The following CACNG2 variants were observed in gnomAD, a reference collection of about 807,000 sequenced individuals.
CACNG2 encodes the protein voltage-dependent calcium channel gamma-2 subunit.
Under a neutral mutation model 25.9 loss-of-function variants are expected in CACNG2, and 3 were observed. The ratio of observed to expected loss-of-function variants is 0.12; its 90% CI spans 0.05 to 0.30. The LOEUF (loss-of-function observed/expected upper bound fraction) is 0.30, where lower values mean the gene tolerates loss of function less well. Among genes scored for constraint, CACNG2 ranks in the 10% least tolerant of loss-of-function variants. The pLI is 1.00. For synonymous variants in CACNG2, 167 were observed against 173.3 expected (o/e 0.96, Z 0.29); for missense variants, 341 against 432.5 (o/e 0.79, Z 1.88).
chr22:36,605,368 C>A (rs1343962454), intron 1 of CACNG2, among the ~76,000 whole-genome samples: 4 of 152,200 alleles, frequency 2.6e-5, no homozygotes, highest in Non-Finnish European at 4.4e-5. Flanking sequence ...AGCCACCATG[C>A]CCGGCCCCAA....
chr22:36,678,841 G>A (rs1056925159), intron 1 of CACNG2, among the ~76,000 whole-genome samples: 1 of 152,148 alleles, frequency 6.6e-6, no homozygotes, highest in Non-Finnish European at 1.5e-5. Flanking sequence ...CATTCACAGG[G>A]ATTTGACCTA....
intron 2 of CACNG2, among the ~76,000 whole-genome samples, chr22:36,579,432 C>T (rs893021169): frequency 2.6e-5 from 3 of 115,728 alleles, no homozygotes; most frequent in African/African-American, 3.5e-5. Context: ...AAAAAAAAAG[C>T]TGCCGGCTGT....
intron 1 of CACNG2, among the ~76,000 whole-genome samples, chr22:36,622,869 G>A (rs377099400): frequency 1.1e-4 from 17 of 151,486 alleles, no homozygotes; most frequent in African/African-American, 4.1e-4. Context: ...TGAGGCACGA[G>A]AATCGCTTGA....
chr22:36,660,068 G>A (rs1936767976), intron 1 of CACNG2, among the ~76,000 whole-genome samples: 1 of 152,194 alleles, frequency 6.6e-6, no homozygotes, highest in Non-Finnish European at 1.5e-5. Flanking sequence ...ACAAGCCGGG[G>A]CCTCCCAGGT....
chr22:36,681,005 A>C (rs1937115039), intron 1 of CACNG2, among the ~76,000 whole-genome samples: 2 of 152,196 alleles, frequency 1.3e-5, no homozygotes, highest in African/African-American at 2.4e-5. Context: ...TCCATTAAAA[A>C]GAATGAGAAT....
At chr22:36,651,503 A>G (rs1408668956) in intron 1 of CACNG2, among the ~76,000 whole-genome samples, 1 of 152,138 alleles carries the variant, frequency 6.6e-6, no homozygotes, top group African/African-American at 2.4e-5. Context: ...TGCTGGGATT[A>G]CAGGCGTGAG....
chr22:36,658,797 G>A (rs971794053), intron 1 of CACNG2, among the ~76,000 whole-genome samples: 2 of 152,160 alleles, frequency 1.3e-5, no homozygotes, highest in Non-Finnish European at 2.9e-5. Flanking sequence ...GGGAATAGGC[G>A]GGGTGTGGGG....
intron 1 of CACNG2, among the ~76,000 whole-genome samples, chr22:36,604,746 T>C (rs927788737): frequency 2.0e-5 from 3 of 152,220 alleles, no homozygotes; most frequent in Non-Finnish European, 4.4e-5. Flanking sequence ...CATAATGCTA[T>C]TGCACACTTA....
Position 36,703,657 on chromosome 22 carries a change from G to A in CACNG2, c.-1081C>T, listed in dbSNP as rs1366666787. 1 of 152,232 alleles carries A rather than the reference G, an allele frequency of 6.6e-6. No homozygotes were observed. Among genetic ancestry groups the A allele is most frequent in the Non-Finnish European group, 1.5e-5 (1 of 68,070 alleles). The allele number at this position is 152,232 out of a possible 1,614,324, so 9.4% of individuals were successfully genotyped here. A position where few individuals can be genotyped will look rare whatever the true frequency, so the allele number is the denominator to read the frequency against. ...CCCGGGGCAGCAAGGCCAGCGCAGA[G>A]CGGGGGCCGCCTTTCCTCTTTTTAC... On this transcript the variant is annotated 5_prime_UTR_variant, in exon 1 of 4. Coordinates refer to ENST00000300105, the MANE Select transcript of CACNG2 (RefSeq NM_006078.5).
At chr22:36,607,502 C>T (rs774494225) in intron 1 of CACNG2, among the ~76,000 whole-genome samples, 1 of 152,198 alleles carries the variant, frequency 6.6e-6, no homozygotes, top group Non-Finnish European at 1.5e-5. Context: ...TCTCAGCCTC[C>T]CGAAGTGCTG....
chr22:36,654,341 C>A (rs1349660781), intron 1 of CACNG2, among the ~76,000 whole-genome samples: 4 of 152,104 alleles, frequency 2.6e-5, no homozygotes, highest in Admixed American at 6.5e-5. Context: ...TCACAGCTCA[C>A]TGAAGCCTCA....
intron 2 of CACNG2, among the ~76,000 whole-genome samples, chr22:36,576,592 ATGTG>A (rs760972096): frequency 6.7e-6 from 1 of 149,052 alleles, no homozygotes; most frequent in Non-Finnish European, 1.5e-5. Flanking sequence ...GTGTGTGTGT[ATGTG>A]TGTGTGTGTG....
Position 36,605,807 on chromosome 22 carries a change from C to T in CACNG2, c.212-18259G>A, listed in dbSNP as rs555739138. Among the ~76,000 whole-genome samples the T allele has an allele frequency of 1.8e-3, 274 of 152,198 alleles. 1 individual carries two copies. Among genetic ancestry groups the T allele is most frequent in the Non-Finnish European group, 3.7e-3 (252 of 67,992 alleles). ...GCTCACAGACTAGTAGGGGAGAGAC[C>T]GGTGATTACACTCTGCTGTGCCAAG... On this transcript the variant is annotated intron_variant, in intron 1 of 3. Coordinates refer to ENST00000300105, the MANE Select transcript of CACNG2 (RefSeq NM_006078.5).
chr22:36,591,481 G>A (rs1157622534), intron 1 of CACNG2, among the ~76,000 whole-genome samples: 1 of 151,988 alleles, frequency 6.6e-6, no homozygotes, highest in Non-Finnish European at 1.5e-5. Context: ...ACCAGCCTGG[G>A]CAACATAGCA....
At position 36,676,719 on chromosome 22, in the gene CACNG2, G is replaced by A. The variant is rs116741773; in HGVS notation, c.211+25647C>T. 7.7e-3 allele frequency among the ~76,000 whole-genome samples: 1,174 copies of A among 152,300 alleles called. 12 individuals carry two copies. Among genetic ancestry groups the A allele is most frequent in the African/African-American group, 0.027 (1,131 of 41,556 alleles). The stretch of plus-strand genomic sequence containing the variant: ...TTTTACAGAGGTTTAGAGAGGTTAA[G>A]GGCCTTGACCAAGGTCACAACGCTC... On this transcript the variant is annotated intron_variant, in intron 1 of 3. Coordinates refer to ENST00000300105, the MANE Select transcript of CACNG2 (RefSeq NM_006078.5).
At chr22:36,565,566 A>G (rs1935111330) in intron 3 of CACNG2, among the ~76,000 whole-genome samples, 1 of 151,592 alleles carries the variant, frequency 6.6e-6, no homozygotes, top group African/African-American at 2.4e-5. Context: ...GCAGTCTCAA[A>G]CTCCTGGGAT....
chr22:36,634,670 A>C (rs1457026574), intron 1 of CACNG2, among the ~76,000 whole-genome samples: 7 of 152,176 alleles, frequency 4.6e-5, no homozygotes, highest in African/African-American at 1.7e-4. Context: ...AGCTCTTACT[A>C]TCCTCTTGCT....
rs987875273 is a variant in CACNG2, at chr22:36,561,720, G to A, written c.*2631C>T. ...CACCTTGACCTTCAGTCACCTGGGA[G>A]TAACTTGCAGACTGTTCTGAAATTT... On this transcript the variant is annotated 3_prime_UTR_variant, in exon 4 of 4. Transcript: ENST00000300105. 1 of 152,318 alleles carries A rather than the reference G, an allele frequency of 6.6e-6. No homozygotes were observed. The highest frequency in any genetic ancestry group is 2.4e-5 in the African/African-American group (1 of 41,462). 9.4% of individuals were successfully genotyped at this position (152,318 alleles called of 1,614,324 possible). A position where few individuals can be genotyped will look rare whatever the true frequency, so the allele number is the denominator to read the frequency against.
In CACNG2 at chr22:36,606,755, T is replaced by C. The variant is rs1841868120; in HGVS notation, c.212-19207A>G. On this transcript the variant is annotated intron_variant, in intron 1 of 3. Transcript: ENST00000300105. This position sits in a 1 kb window ranked among gnomAD's most constrained non-coding sequence, Gnocchi z 5.7. ...GGACGGAAACCAGACGGTTGGGCTGTGCGTGTGTGTGTGTGTGTGTGTGTA... is the reference window on the plus strand; with the variant it reads ...GGACGGAAACCAGACGGTTGGGCTGCGCGTGTGTGTGTGTGTGTGTGTGTA... Among the ~76,000 whole-genome samples, 1 of 118,700 alleles carries C rather than the reference T, an allele frequency of 8.4e-6. No individual in the cohort carries two copies. The highest frequency in any genetic ancestry group is 8.3e-5 in the Admixed American group (1 of 11,982). The allele number at this position is 118,700 out of a possible 152,430, so 77.9% of individuals were successfully genotyped here. A position where few individuals can be genotyped will look rare whatever the true frequency, so the allele number is the denominator to read the frequency against.
Sources: allele counts gnomAD v4.1 joint callset (sites outside exome capture counted in the v4.1 genomes callset), GRCh38; gene constraint gnomAD v4.1.1; non-coding constraint Gnocchi (gnomAD v3.1); transcripts MANE v1.5; gene names NCBI Gene and HGNC (gene_info 2026-07-23, HGNC 2026-07-21).